Variants in AGAP1 observed in about 807,000 individuals in gnomAD.
AGAP1 encodes the protein arf-GAP with GTPase, ANK repeat and PH domain-containing protein 1.
In AGAP1, 29 loss-of-function variants were observed where a neutral mutation model predicts 105.3. The observed-to-expected ratio is 0.28, with a 90% CI of 0.21 to 0.38. The LOEUF is 0.38. AGAP1 is among the 10% of genes least tolerant of loss of function. AGAP1 has a pLI of 1.00. For synonymous variants in AGAP1, 509 were observed against 485.9 expected (o/e 1.05, Z -0.63); for missense variants, 998 against 1,165.1 (o/e 0.86, Z 2.09).
At position 235,891,108 on chromosome 2, in the gene AGAP1, T is replaced by C. The variant is rs1378528271; in HGVS notation, c.1155+7659T>C. On this transcript the variant is annotated intron_variant, in intron 10 of 17. Transcript: ENST00000304032. This position sits in a 1 kb window ranked among gnomAD's most constrained non-coding sequence, Gnocchi z 4.2. ...CTGGTTTTCTGCAGGACTGAGGGGTTCCCAGGGTGCAGGACTTTCATAGCT... is the reference window on the plus strand; with the variant it reads ...CTGGTTTTCTGCAGGACTGAGGGGTCCCCAGGGTGCAGGACTTTCATAGCT... Among the ~76,000 whole-genome samples the C allele has an allele frequency of 6.6e-6, 1 of 152,084 alleles. No homozygotes were observed. The highest frequency in any genetic ancestry group is 6.6e-5 in the Admixed American group (1 of 15,262).
At chr2:235,565,151 G>A (rs771914399) in intron 1 of AGAP1, among the ~76,000 whole-genome samples, 2 of 146,680 alleles carry the variant, frequency 1.4e-5, no homozygotes, top group East Asian at 2.0e-4. Context: ...TCACAGCCAG[G>A]TGTGAGCCTG....
In AGAP1 at chr2:235,953,111, C is replaced by T. The variant is rs1312509909; in HGVS notation, c.1484-15351C>T. On this transcript the variant is annotated intron_variant, in intron 12 of 17. Coordinates refer to ENST00000304032, the MANE Select transcript of AGAP1 (RefSeq NM_001037131.3). This position sits in a 1 kb window ranked among gnomAD's most constrained non-coding sequence, Gnocchi z 5.2. The stretch of plus-strand genomic sequence containing the variant: ...CCACCTCCAATAAAGGCTTGGGAGT[C>T]GCAAGGATCCCTTTTCATAATGAAA... Among the ~76,000 whole-genome samples the T allele has an allele frequency of 6.6e-6, 1 of 152,162 alleles. No homozygotes were observed. Among genetic ancestry groups the T allele is most frequent in the Non-Finnish European group, 1.5e-5 (1 of 68,024 alleles).
rs542636537 is a variant in AGAP1 at position 236,056,526 on chromosome 2, T to C, written c.2114+7245T>C. On this transcript the variant is annotated intron_variant, in intron 16 of 17. Transcript: ENST00000304032. This position sits in a 1 kb window ranked among gnomAD's most constrained non-coding sequence, Gnocchi z 4.6. ...CTACTTGTGGGAGTGTATGAAGGAATGGAATGGGAAGATTAACCTTTTTAG... is the reference window on the plus strand; with the variant it reads ...CTACTTGTGGGAGTGTATGAAGGAACGGAATGGGAAGATTAACCTTTTTAG... Among the ~76,000 whole-genome samples the C allele has an allele frequency of 6.6e-6, 1 of 152,302 alleles. No homozygotes were observed. The highest frequency in any genetic ancestry group is 2.1e-4 in the South Asian group (1 of 4,826).
In AGAP1 at chr2:235,535,090, C is replaced by G. The variant is rs965646876; in HGVS notation, c.163+40241C>G. Reference sequence around the variant, plus strand: ...TCTGCAGATGTAAAACGACCTGCTCCCCCAGGTGAATGGATTCTCGCCAGG... The same window carrying G: ...TCTGCAGATGTAAAACGACCTGCTCGCCCAGGTGAATGGATTCTCGCCAGG... On this transcript the variant is annotated intron_variant, in intron 1 of 17. Transcript: ENST00000304032. This position sits in a 1 kb window ranked among gnomAD's most constrained non-coding sequence, Gnocchi z 5.1. Among the ~76,000 whole-genome samples the G allele has an allele frequency of 2.0e-5, 3 of 152,114 alleles. No homozygotes were observed. Among genetic ancestry groups the G allele is most frequent in the Non-Finnish European group, 4.4e-5 (3 of 68,030 alleles).
chr2:235,562,443 G>T (rs1042190372), intron 1 of AGAP1, among the ~76,000 whole-genome samples: 1 of 152,002 alleles, frequency 6.6e-6, no homozygotes, highest in African/African-American at 2.4e-5. Flanking sequence ...TGAATAGCAC[G>T]GATTGCACGT....
chr2:235,732,569 T>C lies in AGAP1; in HGVS notation c.311-8394T>C, dbSNP rs978815618. Among the ~76,000 whole-genome samples, 2 of 152,170 alleles carry C rather than the reference T, an allele frequency of 1.3e-5. No individual in the cohort carries two copies. The highest frequency in any genetic ancestry group is 4.8e-5 in the African/African-American group (2 of 41,436). ...CTTCTCCATTGTTGCTTTGTTTCTC[T>C]TCTGTTCCCTTCCCTCCTTCCTCTC... On this transcript the variant is annotated intron_variant, in intron 3 of 17. Transcript: ENST00000304032. The surrounding 1 kb of genome is among the most constrained non-coding windows in gnomAD (Gnocchi z 4.8).
chr2:236,064,613 A>G (rs2058295788), intron 16 of AGAP1, among the ~76,000 whole-genome samples: 2 of 152,136 alleles, frequency 1.3e-5, no homozygotes, highest in Admixed American at 6.5e-5. Context: ...AATAAATAAC[A>G]AAATGCCAGT....
chr2:235,572,597 C>T (rs542308020), intron 1 of AGAP1, among the ~76,000 whole-genome samples: 1 of 152,312 alleles, frequency 6.6e-6, no homozygotes, highest in East Asian at 1.9e-4. Context: ...TAGGGGCTTC[C>T]TGCCCACTTC....
chr2:235,733,111 A>G lies in AGAP1; in HGVS notation c.311-7852A>G, dbSNP rs1952045215. ...GCTCTGCTCTTCCTGGGAATTTACC[A>G]CATCCTCTTCCAGGTTCCCTTCACC... On this transcript the variant is annotated intron_variant, in intron 3 of 17. Coordinates refer to ENST00000304032, the MANE Select transcript of AGAP1 (RefSeq NM_001037131.3). The surrounding 1 kb of genome is among the most constrained non-coding windows in gnomAD (Gnocchi z 5.0). Among the ~76,000 whole-genome samples, 1 of 152,154 alleles carries G rather than the reference A, an allele frequency of 6.6e-6. No homozygotes were observed. Among genetic ancestry groups the G allele is most frequent in the Non-Finnish European group, 1.5e-5 (1 of 68,022 alleles).
chr2:235,857,091 A>G (rs10202398), intron 9 of AGAP1, among the ~76,000 whole-genome samples: 111,044 of 152,038 alleles, frequency 0.73, 40,973 homozygotes, highest in East Asian at 0.99. Flanking sequence ...ATCCACTCCC[A>G]GATGGCAGCC....
chr2:235,588,946 A>G (rs561491857), intron 1 of AGAP1, among the ~76,000 whole-genome samples: 25 of 152,226 alleles, frequency 1.6e-4, no homozygotes, highest in African/African-American at 5.3e-4. Context: ...TAGGTTTCTC[A>G]GCAGTCTGTA....
Position 235,744,719 on chromosome 2 carries a change from G to C in AGAP1, c.418G>C (p.Val140Leu). 1.9e-6 allele frequency: 3 copies of C among 1,613,884 alleles called. No homozygotes were observed. Among genetic ancestry groups the C allele is most frequent in the Non-Finnish European group, 2.5e-6 (3 of 1,180,020 alleles). ...CTAGTTTGCCATGTGGGTGGACGCT[G>C]TTATATTTGTCTTCAGCTTGGAGGA... ...EAQFAMWVDA[V>L]IFVFSLEDEI... The change falls in exon 5 of 18, where the codon GTT becomes CTT. Residue 140 changes from valine to leucine, a missense_variant. Physicochemically the swap from Val to Leu is conservative, Grantham distance 32. Coordinates refer to ENST00000304032, the MANE Select transcript of AGAP1 (RefSeq NM_001037131.3). This position sits in a 1 kb window ranked among gnomAD's most constrained non-coding sequence, Gnocchi z 5.2.
rs1316287923 is a variant in AGAP1 at position 235,793,104 on chromosome 2, G to T, written c.674-4655G>T. ...GAAGAGGAAAGGAGGGAATGACGAG[G>T]AACGCCACATGCTGCTCAGAGGTCC... is the stretch of plus-strand genomic sequence containing the variant. On this transcript the variant is annotated intron_variant, in intron 6 of 17. Coordinates refer to ENST00000304032, the MANE Select transcript of AGAP1 (RefSeq NM_001037131.3). The surrounding 1 kb of genome is among the most constrained non-coding windows in gnomAD (Gnocchi z 5.3). Among the ~76,000 whole-genome samples the T allele has an allele frequency of 6.6e-6, 1 of 152,134 alleles. No homozygotes were observed. Among genetic ancestry groups the T allele is most frequent in the Non-Finnish European group, 1.5e-5 (1 of 68,036 alleles).
chr2:236,100,022 A>G (rs1305783737), intron 16 of AGAP1, among the ~76,000 whole-genome samples: 1 of 152,190 alleles, frequency 6.6e-6, no homozygotes. Context: ...CCTGAGCAAT[A>G]GAGCAAGACT....
At chr2:236,108,234 C>T (rs561516471) in intron 16 of AGAP1, among the ~76,000 whole-genome samples, 3 of 152,236 alleles carry the variant, frequency 2.0e-5, no homozygotes, top group South Asian at 2.1e-4. Context: ...CTTCCCCTAC[C>T]GAGAAAGGAA....
At position 235,690,508 on chromosome 2, in the gene AGAP1, C is replaced by G. The variant is rs112317904; in HGVS notation, c.164-18671C>G. Reference sequence around the variant, plus strand: ...GCCAAGGAGGAAAGCATGGTTTATTCCTAGCTTCCGGTAGAGGAGGCTGGC... The same window carrying G: ...GCCAAGGAGGAAAGCATGGTTTATTGCTAGCTTCCGGTAGAGGAGGCTGGC... On this transcript the variant is annotated intron_variant, in intron 1 of 17. Coordinates refer to ENST00000304032, the MANE Select transcript of AGAP1 (RefSeq NM_001037131.3). This position sits in a 1 kb window ranked among gnomAD's most constrained non-coding sequence, Gnocchi z 4.1. 0.019 allele frequency among the ~76,000 whole-genome samples: 2,820 copies of G among 152,260 alleles called. 81 individuals carry two copies. Among genetic ancestry groups the G allele is most frequent in the African/African-American group, 0.063 (2,635 of 41,544 alleles).
rs561791692 is a variant in AGAP1, at chr2:235,879,837, C to T, written c.1051-3508C>T. The stretch of plus-strand genomic sequence containing the variant: ...GTCCTAGCTACTCGGAGGAGGCTGG[C>T]GCAGGAGAATTGCTTGAGCTGGAAA... On this transcript the variant is annotated intron_variant, in intron 9 of 17. Transcript: ENST00000304032. This position sits in a 1 kb window ranked among gnomAD's most constrained non-coding sequence, Gnocchi z 5.0. Among the ~76,000 whole-genome samples, 2 of 152,140 alleles carry T rather than the reference C, an allele frequency of 1.3e-5. No individual in the cohort carries two copies. The highest frequency in any genetic ancestry group is 1.9e-4 in the East Asian group (1 of 5,162).
At position 236,123,515 on chromosome 2, in the gene AGAP1, T is replaced by A. The variant is rs1387404334; in HGVS notation, c.2371-404T>A. ...TACACTAATTCACAAAGGTTATCTC[T>A]AAGTAGTAAGATTATGGGTGATTTT... On this transcript the variant is annotated intron_variant, in intron 17 of 17. Coordinates refer to ENST00000304032, the MANE Select transcript of AGAP1 (RefSeq NM_001037131.3). The surrounding 1 kb of genome is among the most constrained non-coding windows in gnomAD (Gnocchi z 4.6). 6.6e-6 allele frequency among the ~76,000 whole-genome samples: 1 copy of A among 152,210 alleles called. No individual in the cohort carries two copies. Among genetic ancestry groups the A allele is most frequent in the Non-Finnish European group, 1.5e-5 (1 of 68,032 alleles).
chr2:236,036,510 GA>G lies in AGAP1; in HGVS notation c.1646-50del. On this transcript the variant is annotated intron_variant, in intron 13 of 17. Coordinates refer to ENST00000304032, the MANE Select transcript of AGAP1 (RefSeq NM_001037131.3). This position sits in a 1 kb window ranked among gnomAD's most constrained non-coding sequence, Gnocchi z 5.7. ...TTCTGTGACAGAGGGCCCGCAGGGG[GA>G]CTGCTGTCTCATAAAAGCTAAACTC... The G allele has an allele frequency of 6.3e-7, 1 of 1,597,662 alleles. No individual in the cohort carries two copies. The highest frequency in any genetic ancestry group is 8.5e-7 in the Non-Finnish European group (1 of 1,171,936).
Sources: allele counts gnomAD v4.1 joint callset (sites outside exome capture counted in the v4.1 genomes callset), GRCh38; gene constraint gnomAD v4.1.1; non-coding constraint Gnocchi (gnomAD v3.1); transcripts MANE v1.5; gene names NCBI Gene and HGNC (gene_info 2026-07-23, HGNC 2026-07-21).